The following ZNF215 variants were observed in gnomAD, a reference collection of about 807,000 sequenced individuals.
The protein encoded by ZNF215 is zinc finger protein 215.
ZNF215 carries 24 observed loss-of-function variants against 27.2 expected under a neutral mutation model. That is an observed-to-expected ratio of 0.88 (90% CI 0.64 to 1.24). The LOEUF (loss-of-function observed/expected upper bound fraction) is 1.24, where lower values mean the gene tolerates loss of function less well. ZNF215 is among the 50% of genes most tolerant of loss of function. The pLI is 0.00. For missense variants in ZNF215, 675 were observed against 605.7 expected, an observed-to-expected ratio of 1.11 and a Z score of -1.20; for synonymous variants, 210 against 204.0, an observed-to-expected ratio of 1.03 and a Z score of -0.25.
Position 6,926,480 on chromosome 11 carries a change from G to A in ZNF215, c.-531G>A, listed in dbSNP as rs528398378. The A allele has an allele frequency of 5.2e-5, 8 of 152,412 alleles. No individual in the cohort carries two copies. The highest frequency in any genetic ancestry group is 1.2e-4 in the African/African-American group (5 of 41,566). 9.4% of individuals were successfully genotyped at this position (152,412 alleles called of 1,614,324 possible). A position where few individuals can be genotyped will look rare whatever the true frequency, so the allele number is the denominator to read the frequency against. The stretch of plus-strand genomic sequence containing the variant: ...TCTACCTCACCGATCCGGGTCGCGG[G>A]GGCTCCTAGGGGGTTCCTTCCACAG... On this transcript the variant is annotated 5_prime_UTR_variant, in exon 1 of 7. Coordinates refer to ENST00000278319, the MANE Select transcript of ZNF215 (RefSeq NM_013250.4).
downstream of ZNF215, chr11:6,988,839 T>G (rs902192178): frequency 2.0e-5 from 3 of 152,130 alleles, no homozygotes; most frequent in African/African-American, 4.8e-5. Context: ...AATTTTGAAC[T>G]TTACCTGAGC....
In ZNF215 at chr11:6,956,711, G is replaced by T; in HGVS notation, c.*180G>T. The T allele has an allele frequency of 7.2e-7, 1 of 1,380,452 alleles. No individual in the cohort carries two copies. Among genetic ancestry groups the T allele is most frequent in the Non-Finnish European group, 9.3e-7 (1 of 1,074,758 alleles). The allele number at this position is 1,380,452 out of a possible 1,614,324, so 85.5% of individuals were successfully genotyped here. ...ATCATTGGATAGAAATCTGTTTGAA[G>T]GAATTTTCCTGGTTTTCAGATGAAG... On this transcript the variant is annotated 3_prime_UTR_variant, in exon 7 of 7. Coordinates refer to ENST00000278319, the MANE Select transcript of ZNF215 (RefSeq NM_013250.4).
rs1189478811 is a variant in ZNF215 at position 6,956,553 on chromosome 11, A to G, written c.*22A>G. 1.3e-6 allele frequency: 2 copies of G among 1,535,088 alleles called. No homozygotes were observed. Among genetic ancestry groups the G allele is most frequent in the East Asian group, 2.3e-5 (1 of 44,326 alleles). On this transcript the variant is annotated 3_prime_UTR_variant, in exon 7 of 7. Coordinates refer to ENST00000278319, the MANE Select transcript of ZNF215 (RefSeq NM_013250.4). ...CTGAAAAAAGAAAAAATGAAAGATT[A>G]CCTTCAGTCAGAATGCAGAACTCAT... is the stretch of plus-strand genomic sequence containing the variant.
chr11:6,983,720 A>G (rs758480273), intron 5 of ZNF215, among the ~76,000 whole-genome samples: 68 of 152,166 alleles, frequency 4.5e-4, no homozygotes, highest in Non-Finnish European at 8.2e-4. Context: ...ATATATTAGA[A>G]AATACGAATA....
Position 6,965,478 on chromosome 11 carries a change from A to ATTG in ZNF215, c.805+9696_805+9697insTTG, listed in dbSNP as rs113094900. Among the ~76,000 whole-genome samples the ATTG allele has an allele frequency of 4.6e-5, 7 of 152,194 alleles. No homozygotes were observed. In the East Asian group the frequency reaches 1.4e-3, roughly 29 times the overall value. On this transcript the variant is annotated intron_variant, in intron 5 of 5. Coordinates refer to the ZNF215 transcript ENST00000529903. ...TACCTAAATAAAAGATGTTTCTAGA[A>ATTG]CTATTTATAGACAAATCTAAAGATC...
At chr11:6,941,896 G>C (rs971968596) in intron 4 of ZNF215, among the ~76,000 whole-genome samples, 10 of 152,164 alleles carry the variant, frequency 6.6e-5, no homozygotes, top group Admixed American at 3.9e-4. Flanking sequence ...TAGATGTAGA[G>C]CCTACTCAGA....
At chr11:6,977,115 A>G (rs778716576) in intron 5 of ZNF215, among the ~76,000 whole-genome samples, 9 of 152,052 alleles carry the variant, frequency 5.9e-5, no homozygotes, top group Non-Finnish European at 1.2e-4. Flanking sequence ...TTGAAGTCCT[A>G]ATTCCAAATA....
At chr11:6,959,220 A>AG (rs1850465456), downstream of ZNF215, among the ~76,000 whole-genome samples, 1 of 152,180 alleles carries the variant, frequency 6.6e-6, no homozygotes, top group African/African-American at 2.4e-5. Context: ...AGGCAAAACG[A>AG]GGGGCACAAA....
At chr11:6,959,059 TCAATC>T (rs1850461565), downstream of ZNF215, among the ~76,000 whole-genome samples, 3 of 152,290 alleles carry the variant, frequency 2.0e-5, no homozygotes, top group South Asian at 2.1e-4. Flanking sequence ...TTTGCATCCT[TCAATC>T]CAATCAAGTT....
At chr11:6,988,104 A>T, downstream of ZNF215, 1 of 721,390 alleles carries the variant, frequency 1.4e-6, no homozygotes, top group Non-Finnish European at 1.7e-6. Context: ...ATTAAATGTT[A>T]AGTAAAAATT....
At chr11:6,993,817 C>T (rs778668419), downstream of ZNF215, among the ~76,000 whole-genome samples, 3 of 152,196 alleles carry the variant, frequency 2.0e-5, no homozygotes, top group Non-Finnish European at 4.4e-5. Flanking sequence ...ATACTTGTAG[C>T]ACTTTCCCCA....
In ZNF215 at chr11:6,940,090, A is replaced by C. The variant is rs548217805; in HGVS notation, c.401-1481A>C. On this transcript the variant is annotated intron_variant, in intron 3 of 6. Transcript: ENST00000278319. ...AAAAAAGAAAAAAAAAACATTATCC[A>C]AGTATGGTGGCACATGCCTGTAGTC... Among the ~76,000 whole-genome samples, 48 of 151,642 alleles carry C rather than the reference A, an allele frequency of 3.2e-4. 1 individual carries two copies. The highest frequency in any genetic ancestry group is 1.1e-3 in the African/African-American group (45 of 41,296).
At chr11:6,935,177 A>G (rs909659030) in intron 3 of ZNF215, among the ~76,000 whole-genome samples, 18 of 152,336 alleles carry the variant, frequency 1.2e-4, no homozygotes, top group African/African-American at 4.1e-4. Flanking sequence ...CTTTGAGGGA[A>G]TAAGGGATTT....
intron 2 of ZNF215, among the ~76,000 whole-genome samples, chr11:6,930,090 TCA>T (rs1230188188): frequency 6.8e-6 from 1 of 147,848 alleles, no homozygotes; most frequent in Admixed American, 6.8e-5. Flanking sequence ...AATAAATGTT[TCA>T]GTTTCTTTTT....
In ZNF215 at chr11:6,930,667, T is replaced by C. The variant is rs138967225; in HGVS notation, c.-179-1427T>C. ...TTTGGCCAATATGTAAGATCTAACA[T>C]TGTAACATACATGTGTGCATATGAT... is the stretch of plus-strand genomic sequence containing the variant. On this transcript the variant is annotated intron_variant, in intron 2 of 6. Transcript: ENST00000278319. Among the ~76,000 whole-genome samples, 450 of 152,344 alleles carry C rather than the reference T, an allele frequency of 3.0e-3. 2 individuals are homozygous for C. The highest frequency in any genetic ancestry group is 0.01 in the African/African-American group (427 of 41,576).
At chr11:6,942,574 G>A (rs1213502076) in intron 4 of ZNF215, among the ~76,000 whole-genome samples, 1 of 152,080 alleles carries the variant, frequency 6.6e-6, no homozygotes, top group South Asian at 2.1e-4. Flanking sequence ...GGGCAGTCAG[G>A]CAATCTTGCC....
chr11:6,965,345 T>C (rs545683030), intron 5 of ZNF215, among the ~76,000 whole-genome samples: 52 of 152,136 alleles, frequency 3.4e-4, no homozygotes, highest in Non-Finnish European at 6.0e-4. Flanking sequence ...AAACCTGTTT[T>C]TAAACACGTG....
At chr11:6,951,539 C>T (rs1332188794) in intron 6 of ZNF215, among the ~76,000 whole-genome samples, 1 of 152,140 alleles carries the variant, frequency 6.6e-6, no homozygotes, top group Non-Finnish European at 1.5e-5. Context: ...TTGTAGTATT[C>T]TCTGATGGTA....
chr11:6,964,883 A>G (rs1176179585), intron 5 of ZNF215, among the ~76,000 whole-genome samples: 1 of 152,086 alleles, frequency 6.6e-6, no homozygotes, highest in Non-Finnish European at 1.5e-5. Context: ...ATGCACTGAA[A>G]TAACATTCTC....
Sources: gnomAD v4.1 joint callset for allele counts (sites outside exome capture counted in the v4.1 genomes callset) on GRCh38, gnomAD v4.1.1 for gene constraint, MANE v1.5 for transcripts, NCBI Gene and HGNC (gene_info 2026-07-23, HGNC 2026-07-21) for gene names.